Variants in ANO6 observed in about 807,000 individuals in gnomAD.
ANO6 encodes the protein anoctamin 6.
A neutral mutation model predicts 117.5 loss-of-function variants in ANO6; 106 were observed. The ratio of observed to expected loss-of-function variants is 0.90; its 90% confidence interval spans 0.77 to 1.06. The LOEUF (loss-of-function observed/expected upper bound fraction) is 1.06, where lower values mean the gene tolerates loss of function less well. ANO6 is among the 50% of genes least tolerant of loss of function. ANO6 has a pLI of 0.00. For missense variants in ANO6, 955 were observed against 1,121.1 expected (o/e 0.85, Z 2.12); for synonymous variants, 367 against 385.1 (o/e 0.95, Z 0.55).
intron 1 of ANO6, among the ~76,000 whole-genome samples, chr12:45,287,738 G>A (rs993326196): frequency 6.6e-6 from 1 of 152,156 alleles, no homozygotes; most frequent in African/African-American, 2.4e-5. Context: ...CTCTTTTGAA[G>A]GGAAGACACA....
chr12:45,266,382 A>G (rs538376235), intron 1 of ANO6, among the ~76,000 whole-genome samples: 1 of 152,202 alleles, frequency 6.6e-6, no homozygotes, highest in Non-Finnish European at 1.5e-5. Flanking sequence ...AATATATTGC[A>G]TTGTGGTCTG....
At chr12:45,227,208 T>A (rs1947497550) in intron 1 of ANO6, among the ~76,000 whole-genome samples, 1 of 152,138 alleles carries the variant, frequency 6.6e-6, no homozygotes, top group Admixed American at 6.5e-5. Context: ...CAGGCTGGTC[T>A]TGAGCTCCTG....
chr12:45,436,614 G>A (rs2137754847), downstream of ANO6, among the ~76,000 whole-genome samples: 1 of 152,236 alleles, frequency 6.6e-6, no homozygotes, highest in East Asian at 1.9e-4. Context: ...AACAAACACA[G>A]ATATATTTTG....
intron 16 of ANO6, among the ~76,000 whole-genome samples, chr12:45,412,018 C>T (rs1000915322): frequency 2.6e-5 from 4 of 152,200 alleles, no homozygotes; most frequent in Non-Finnish European, 1.5e-5. Flanking sequence ...ACATCCTTCA[C>T]CCACTTCTCA....
intron 9 of ANO6, among the ~76,000 whole-genome samples, chr12:45,369,300 C>T (rs1274060784): frequency 6.6e-6 from 1 of 152,118 alleles, no homozygotes; most frequent in Non-Finnish European, 1.5e-5. Flanking sequence ...GTTAGCTGTA[C>T]CCTGAAGCAC....
At chr12:45,289,430 G>A (rs1939025436) in intron 1 of ANO6, among the ~76,000 whole-genome samples, 1 of 151,938 alleles carries the variant, frequency 6.6e-6, no homozygotes, top group African/African-American at 2.4e-5. Context: ...CAAAGTACTG[G>A]GATTACAGGT....
At position 45,273,158 on chromosome 12, in the gene ANO6, C is replaced by T. The variant is rs890607784; in HGVS notation, c.71-28856C>T. On this transcript the variant is annotated intron_variant, in intron 1 of 19. Transcript: ENST00000320560. ...TGCCGGGGGGCTGGGGGAAATGAGA[C>T]ATGTTGGTCAAAGGGTACAGAGTTT... 1.8e-4 allele frequency among the ~76,000 whole-genome samples: 27 copies of T among 152,048 alleles called. 1 individual carries two copies. The highest frequency in any genetic ancestry group is 6.3e-4 in the African/African-American group (26 of 41,402).
intron 1 of ANO6, among the ~76,000 whole-genome samples, chr12:45,242,656 G>A (rs889721372): frequency 1.6e-4 from 24 of 152,288 alleles, no homozygotes; most frequent in Admixed American, 3.9e-4. Context: ...CTTCTGCATC[G>A]ATCACACTGG....
At chr12:45,246,165 C>T (rs970980308) in intron 1 of ANO6, among the ~76,000 whole-genome samples, 7 of 151,954 alleles carry the variant, frequency 4.6e-5, no homozygotes, top group Non-Finnish European at 8.8e-5. Context: ...CAGTTTATAC[C>T]GGGGCTCACT....
chr12:45,419,402 T>A (rs1943299587), intron 17 of ANO6, among the ~76,000 whole-genome samples: 1 of 152,176 alleles, frequency 6.6e-6, no homozygotes, highest in South Asian at 2.1e-4. Context: ...AATAGCAAAA[T>A]TTAATCTATT....
At chr12:45,357,564 G>A in intron 8 of ANO6, 140 bp downstream of exon 8, 1 of 1,151,808 alleles carries the variant, frequency 8.7e-7, no homozygotes, top group South Asian at 1.4e-5. Context: ...CTTTTGTTCT[G>A]AGCACAATAA....
intron 2 of ANO6, among the ~76,000 whole-genome samples, chr12:45,306,235 CTT>C (rs1484114572): frequency 1.3e-5 from 2 of 152,152 alleles, no homozygotes; most frequent in Non-Finnish European, 2.9e-5. Flanking sequence ...ACCCTACTGA[CTT>C]TTGAGAAGCT....
intron 1 of ANO6, among the ~76,000 whole-genome samples, chr12:45,227,795 G>A (rs764654910): frequency 3.4e-4 from 52 of 152,160 alleles, no homozygotes; most frequent in Non-Finnish European, 4.9e-4. Flanking sequence ...AAGTGTAAGT[G>A]TCAGATTAAG....
chr12:45,424,361 C>G (rs1565773367), intron 19 of ANO6, among the ~76,000 whole-genome samples: 7 of 76,880 alleles, frequency 9.1e-5, no homozygotes, highest in African/African-American at 1.1e-4. Context: ...TTTTTAAAGA[C>G]AGAGTCTCAC....
chr12:45,326,404 A>G (rs1233060312), intron 2 of ANO6, among the ~76,000 whole-genome samples: 1 of 152,218 alleles, frequency 6.6e-6, no homozygotes, highest in Non-Finnish European at 1.5e-5. Flanking sequence ...TTGTGTACCA[A>G]TAATAAGTAG....
chr12:45,372,352 T>C (rs1323100710), intron 9 of ANO6, among the ~76,000 whole-genome samples: 1 of 137,220 alleles, frequency 7.3e-6, no homozygotes, highest in Non-Finnish European at 1.6e-5. Context: ...ATTCAGGAAA[T>C]ACAGAGAATG....
At chr12:45,234,477 A>T (rs1313909326) in intron 1 of ANO6, among the ~76,000 whole-genome samples, 2 of 152,204 alleles carry the variant, frequency 1.3e-5, no homozygotes, top group East Asian at 1.9e-4. Context: ...GAGCTCTGAG[A>T]ACGGAAAAGT....
intron 1 of ANO6, among the ~76,000 whole-genome samples, chr12:45,260,921 A>G (rs1410084163): frequency 6.6e-6 from 1 of 151,864 alleles, no homozygotes; most frequent in Non-Finnish European, 1.5e-5. Context: ...TTGAGTAACG[A>G]GGACTGCAAG....
intron 9 of ANO6, 103 bp downstream of exon 9, chr12:45,367,896 A>C (rs567054371): frequency 1.1e-6 from 1 of 873,782 alleles, no homozygotes; most frequent in East Asian, 2.6e-5. Flanking sequence ...CTGAGGAATT[A>C]AGATATTTTT....
Sources: allele counts gnomAD v4.1 joint callset (sites outside exome capture counted in the v4.1 genomes callset), GRCh38; gene constraint gnomAD v4.1.1; transcripts MANE v1.5; gene names NCBI Gene and HGNC (gene_info 2026-07-23, HGNC 2026-07-21).